Variants in APBB2 observed in about 807,000 individuals in gnomAD.
APBB2 encodes Fe65-like 1.
Under a neutral mutation model 82.5 loss-of-function variants are expected in APBB2, and 38 were observed. The observed-to-expected ratio is 0.46, with a 90% CI of 0.36 to 0.60. The LOEUF is 0.60. APBB2 is among the 20% of genes least tolerant of loss of function. The probability of loss-of-function intolerance (pLI) is 0.00; values close to 1 mark genes in which losing one functional copy is unlikely to be tolerated. For missense variants in APBB2, 772 were observed against 972.3 expected (o/e 0.79, Z 2.74); for synonymous variants, 341 against 368.2 (o/e 0.93, Z 0.85).
intron 7 of APBB2, among the ~76,000 whole-genome samples, chr4:40,943,124 G>A (rs1269763591): frequency 1.3e-5 from 2 of 152,154 alleles, no homozygotes; most frequent in Non-Finnish European, 2.9e-5. Flanking sequence ...TCAAAGCCAG[G>A]GGAGCTAAGT....
At chr4:41,192,489 C>T (rs1015288190) in intron 1 of APBB2, among the ~76,000 whole-genome samples, 1 of 152,116 alleles carries the variant, frequency 6.6e-6, no homozygotes, top group Admixed American at 6.5e-5. Flanking sequence ...TTGGCCACAA[C>T]ATGGACGAAC....
intron 5 of APBB2, among the ~76,000 whole-genome samples, chr4:41,023,856 A>G (rs1579324958): frequency 6.6e-6 from 1 of 152,300 alleles, no homozygotes; most frequent in East Asian, 1.9e-4. Flanking sequence ...AACCAAAAAA[A>G]GAGTCCAATT....
At chr4:41,037,064 A>G (rs1174248120) in intron 4 of APBB2, among the ~76,000 whole-genome samples, 2 of 152,340 alleles carry the variant, frequency 1.3e-5, no homozygotes, top group East Asian at 3.9e-4. Context: ...GCAACCGACA[A>G]CTGAATTTAT....
At chr4:41,195,971 T>C in intron 1 of APBB2, among the ~76,000 whole-genome samples, 52 of 152,242 alleles carry the variant, frequency 3.4e-4, no homozygotes, top group East Asian at 9.7e-4. Flanking sequence ...CCATCCTGGC[T>C]AACACGGTGA....
At chr4:41,039,039 A>C (rs2154446318) in intron 4 of APBB2, among the ~76,000 whole-genome samples, 1 of 152,388 alleles carries the variant, frequency 6.6e-6, no homozygotes, top group East Asian at 1.9e-4. Context: ...TATTCCAAAA[A>C]ATGTTAAATA....
intron 10 of APBB2, among the ~76,000 whole-genome samples, chr4:40,906,485 A>G (rs1411692791): frequency 1.4e-5 from 2 of 146,368 alleles, no homozygotes; most frequent in Non-Finnish European, 3.0e-5. Context: ...AAAAAAAAAA[A>G]AAAGAAAAGA....
chr4:41,122,192 C>A (rs1753033127), intron 2 of APBB2, among the ~76,000 whole-genome samples: 1 of 152,134 alleles, frequency 6.6e-6, no homozygotes, highest in Admixed American at 6.5e-5. Context: ...ACCCAAAGTG[C>A]AAAGATTACC....
intron 2 of APBB2, among the ~76,000 whole-genome samples, chr4:41,118,520 C>A (rs1260932396): frequency 6.6e-6 from 1 of 152,160 alleles, no homozygotes; most frequent in East Asian, 1.9e-4. Flanking sequence ...TTAATATTAT[C>A]AAATGGCATC....
At chr4:41,119,672 T>C (rs1476810175) in intron 2 of APBB2, among the ~76,000 whole-genome samples, 1 of 152,078 alleles carries the variant, frequency 6.6e-6, no homozygotes, top group African/African-American at 2.4e-5. Context: ...GATTCCTGCC[T>C]AAAGAAGGGA....
intron 10 of APBB2, among the ~76,000 whole-genome samples, chr4:40,928,879 C>T (rs62410337): frequency 0.24 from 36,350 of 150,090 alleles, 5,283 homozygotes; most frequent in East Asian, 0.52. Context: ...AGTGAGCTCC[C>T]GTCTCAAAAT....
intron 6 of APBB2, among the ~76,000 whole-genome samples, chr4:41,002,754 C>T (rs568566714): frequency 6.6e-6 from 1 of 152,198 alleles, no homozygotes; most frequent in Non-Finnish European, 1.5e-5. Context: ...TTTTCTGTAA[C>T]ACTGTCCATG....
At chr4:41,169,300 G>A (rs1767612650) in intron 1 of APBB2, among the ~76,000 whole-genome samples, 1 of 151,880 alleles carries the variant, frequency 6.6e-6, no homozygotes, top group African/African-American at 2.4e-5. Context: ...TACAACACAG[G>A]CAAAGGTGCA....
intron 1 of APBB2, among the ~76,000 whole-genome samples, chr4:41,196,499 C>G: frequency 1.3e-5 from 2 of 151,832 alleles, no homozygotes; most frequent in South Asian, 4.2e-4. Context: ...TTGTCTGGAA[C>G]TTTCCAAAAC....
chr4:40,969,620 T>C (rs1795472024), intron 6 of APBB2, among the ~76,000 whole-genome samples: 1 of 152,182 alleles, frequency 6.6e-6, no homozygotes, highest in Non-Finnish European at 1.5e-5. Flanking sequence ...AATTTTGCTA[T>C]CAATATAAAT....
At chr4:41,203,230 G>A (rs188742687) in intron 1 of APBB2, among the ~76,000 whole-genome samples, 2 of 152,002 alleles carry the variant, frequency 1.3e-5, no homozygotes, top group East Asian at 3.9e-4. Context: ...ACGTGTACAC[G>A]TAACAGCAGG....
Position 40,827,850 on chromosome 4 carries a change from A to G in APBB2, c.1645-631T>C, listed in dbSNP as rs112174550. On this transcript the variant is annotated intron_variant, in intron 13 of 17. Transcript: ENST00000508593. The stretch of plus-strand genomic sequence containing the variant: ...CATGCTTTGGCTGTGTCCTCACCCA[A>G]ATCTCGTCGTGAATTGTAGCTCCCT... Among the ~76,000 whole-genome samples, 213 of 152,202 alleles carry G rather than the reference A, an allele frequency of 1.4e-3. 2 individuals carry two copies. The East Asian group carries it at 0.02, about 14-fold the overall frequency.
At chr4:40,920,294 A>G (rs1431192444) in intron 10 of APBB2, among the ~76,000 whole-genome samples, 4 of 152,122 alleles carry the variant, frequency 2.6e-5, no homozygotes, top group Admixed American at 6.5e-5. Flanking sequence ...GCCTTCTGCC[A>G]TCATTGTGAG....
In APBB2 at chr4:40,821,887, A is replaced by G; in HGVS notation, c.2096T>C (p.Val699Ala). 1 of 1,613,376 alleles carries G rather than the reference A, an allele frequency of 6.2e-7. No individual in the cohort carries two copies. The highest frequency in any genetic ancestry group is 8.5e-7 in the Non-Finnish European group (1 of 1,180,022). ...EPNAGNVSEA[V>A]QAACMLRYQK... ...ATAACTCACCATGCAGGCGGCCTGC[A>G]CCGCCTCAGACACGTTACCAGCATT... The change falls in exon 17 of 18, where the codon GTG becomes GCG. Residue 699 changes from valine to alanine, a missense_variant. By Grantham distance (64) the Val-to-Ala change is moderately conservative. Coordinates refer to ENST00000508593, the MANE Select transcript of APBB2 (RefSeq NM_004307.2).
At chr4:40,861,130 C>T (rs529222620) in intron 12 of APBB2, among the ~76,000 whole-genome samples, 3 of 151,746 alleles carry the variant, frequency 2.0e-5, no homozygotes, top group African/African-American at 7.3e-5. Context: ...GTGGGCGGAT[C>T]ACTTGAGGCC....
Sources: allele counts gnomAD v4.1 joint callset (sites outside exome capture counted in the v4.1 genomes callset), GRCh38; gene constraint gnomAD v4.1.1; transcripts MANE v1.5; gene names NCBI Gene and HGNC (gene_info 2026-07-23, HGNC 2026-07-21).